CABP1: variants seen among roughly 807,000 people sequenced by gnomAD.
CABP1 encodes the protein calcium binding protein 1.
In CABP1, 17 loss-of-function variants were observed where a neutral mutation model predicts 34.3. The ratio of observed to expected loss-of-function variants is 0.50; its 90% confidence interval spans 0.34 to 0.74. The LOEUF (loss-of-function observed/expected upper bound fraction) is 0.74, where lower values mean the gene tolerates loss of function less well. Ranked by LOEUF, CABP1 falls within the 30% of genes least tolerant of loss-of-function variation. CABP1 has a pLI of 0.01. For missense variants in CABP1, 373 were observed against 511.1 expected, an observed-to-expected ratio of 0.73 and a Z score of 2.61; for synonymous variants, 198 against 229.2, an observed-to-expected ratio of 0.86 and a Z score of 1.23.
chr12:120,668,099 C>G (rs887615613), downstream of CABP1, among the ~76,000 whole-genome samples: 1 of 152,318 alleles, frequency 6.6e-6, no homozygotes, highest in Non-Finnish European at 1.5e-5. Context: ...ACTAAGGAGG[C>G]CTGGCCTCCT....
the CABP1 span, among the ~76,000 whole-genome samples, chr12:120,677,413 T>TTTTTTCC: frequency 9.0e-6 from 1 of 110,598 alleles, no homozygotes; most frequent in Admixed American, 9.3e-5. Flanking sequence ...TTTTTTTTTT[T>TTTTTTCC]TGAGACAGAG....
chr12:120,658,744 C>G (rs138746113), intron 1 of CABP1, among the ~76,000 whole-genome samples: 23 of 152,318 alleles, frequency 1.5e-4, no homozygotes, highest in African/African-American at 5.1e-4. Flanking sequence ...AGGTGCCACA[C>G]GCTCACTGTG....
chr12:120,658,388 G>A (rs1484941134), intron 1 of CABP1, among the ~76,000 whole-genome samples: 6 of 152,204 alleles, frequency 3.9e-5, no homozygotes, highest in East Asian at 3.9e-4. Context: ...GTGGACCACC[G>A]TGCCTGGCCC....
At chr12:120,642,643 T>G (rs1233241092) in intron 1 of CABP1, among the ~76,000 whole-genome samples, 1 of 152,024 alleles carries the variant, frequency 6.6e-6, no homozygotes, top group African/African-American at 2.4e-5. Flanking sequence ...TGAGGCGATG[T>G]GTCAGGGGAG....
At chr12:120,655,436 A>C in intron 1 of CABP1, 1 of 680,974 alleles carries the variant, frequency 1.5e-6, no homozygotes, top group Non-Finnish European at 1.8e-6. Context: ...GCCACACACG[A>C]AAAAGGAGGG....
chr12:120,668,644 C>CA (rs1881133371), downstream of CABP1, among the ~76,000 whole-genome samples: 1 of 152,198 alleles, frequency 6.6e-6, no homozygotes, highest in Non-Finnish European at 1.5e-5. Context: ...CAAGTGCCCT[C>CA]AGGGCATTGC....
At chr12:120,649,696 T>C (rs2137333872) in intron 1 of CABP1, among the ~76,000 whole-genome samples, 3 of 152,154 alleles carry the variant, frequency 2.0e-5, no homozygotes, top group African/African-American at 7.2e-5. Flanking sequence ...TCCGTCATGC[T>C]CCCCTCGGGG....
In CABP1 at chr12:120,666,935, C is replaced by T. The variant is rs778891331; in HGVS notation, c.*35C>T. 1 of 1,591,078 alleles carries T rather than the reference C, an allele frequency of 6.3e-7. No individual in the cohort carries two copies. The highest frequency in any genetic ancestry group is 1.7e-5 in the Admixed American group (1 of 57,794). On this transcript the variant is annotated 3_prime_UTR_variant, in exon 6 of 6. Coordinates refer to ENST00000316803, the MANE Select transcript of CABP1 (RefSeq NM_001033677.2). ...GGCCCCTCCAGGACTGCCAAGCTCC[C>T]AAAGGCGGGGCTAAGAGGAGCTAGA...
the CABP1 span, among the ~76,000 whole-genome samples, chr12:120,674,368 T>C: frequency 1.3e-5 from 2 of 152,354 alleles, no homozygotes; most frequent in African/African-American, 4.8e-5. Flanking sequence ...AGTGACAAGA[T>C]AATCACAGCT....
downstream of CABP1, among the ~76,000 whole-genome samples, chr12:120,671,315 A>C (rs1881245688): frequency 6.6e-6 from 1 of 152,092 alleles, no homozygotes; most frequent in Non-Finnish European, 1.5e-5. Flanking sequence ...TGAGCAGGAG[A>C]ATCACTTGGG....
At chr12:120,659,622 G>A (rs1449386998) in intron 1 of CABP1, 3 of 449,618 alleles carry the variant, frequency 6.7e-6, no homozygotes, top group South Asian at 3.9e-5. Context: ...GGGGCTGGAG[G>A]CACAGAGGTT....
At chr12:120,674,667 T>C in the CABP1 span, among the ~76,000 whole-genome samples, 1 of 152,066 alleles carries the variant, frequency 6.6e-6, no homozygotes, top group Non-Finnish European at 1.5e-5. Flanking sequence ...GGCGGGTGGA[T>C]CACCTGAGGT....
At chr12:120,644,262 G>A (rs1050329660) in intron 1 of CABP1, among the ~76,000 whole-genome samples, 2 of 152,186 alleles carry the variant, frequency 1.3e-5, no homozygotes, top group African/African-American at 4.8e-5. Flanking sequence ...CAAATGCCTG[G>A]CTCATAGTGA....
the CABP1 span, among the ~76,000 whole-genome samples, chr12:120,677,390 CTTTTT>C: frequency 1.3e-5 from 1 of 76,794 alleles, no homozygotes; most frequent in African/African-American, 5.6e-5. Flanking sequence ...GCCCAGCCTT[CTTTTT>C]TTTTTTTTTT....
chr12:120,671,044 G>A (rs146129166), downstream of CABP1, among the ~76,000 whole-genome samples: 1,311 of 152,240 alleles, frequency 8.6e-3, 24 homozygotes, highest in African/African-American at 0.03. Flanking sequence ...AAAGGCACCC[G>A]ATTCAATCTG....
At chr12:120,642,581 CTGGAAACA>C in intron 1 of CABP1, among the ~76,000 whole-genome samples, 1 of 152,076 alleles carries the variant, frequency 6.6e-6, no homozygotes, top group Non-Finnish European at 1.5e-5. Flanking sequence ...GCCGAGTTAG[CTGGAAACA>C]GTTCTCTGGA....
chr12:120,670,697 G>A (rs908764514), downstream of CABP1, among the ~76,000 whole-genome samples: 1 of 152,116 alleles, frequency 6.6e-6, no homozygotes, highest in Non-Finnish European at 1.5e-5. Flanking sequence ...GCAGTGAGCG[G>A]AGATTGCACC....
chr12:120,655,497 C>T (rs1880119979), intron 1 of CABP1: 3 of 1,092,576 alleles, frequency 2.7e-6, no homozygotes, highest in Non-Finnish European at 3.3e-6. Flanking sequence ...CTGCCTGCTT[C>T]ATTTATGTCA....
In CABP1 at chr12:120,660,993, G is replaced by T; in HGVS notation, c.940-78G>T. On this transcript the variant is annotated intron_variant, in intron 4 of 5. Transcript: ENST00000316803. The surrounding 1 kb of genome is among the most constrained non-coding windows in gnomAD (Gnocchi z 5.0). The stretch of plus-strand genomic sequence containing the variant: ...GGTAAAGGGGGGCAATGACACTGGA[G>T]AAGGAGCTCAACTTTGGGATCTGCT... 6.5e-7 allele frequency: 1 copy of T among 1,531,628 alleles called. No individual in the cohort carries two copies. Among genetic ancestry groups the T allele is most frequent in the Non-Finnish European group, 8.9e-7 (1 of 1,120,412 alleles). The allele number at this position is 1,531,628 out of a possible 1,614,324, so 94.9% of individuals were successfully genotyped here.
Sources: allele counts gnomAD v4.1 joint callset (sites outside exome capture counted in the v4.1 genomes callset), GRCh38; gene constraint gnomAD v4.1.1; non-coding constraint Gnocchi (gnomAD v3.1); transcripts MANE v1.5; gene names NCBI Gene and HGNC (gene_info 2026-07-23, HGNC 2026-07-21).